Variants in VAMP7 observed in about 807,000 individuals in gnomAD.
The protein encoded by VAMP7 is vesicle-associated membrane protein 7.
A neutral mutation model predicts 29.6 loss-of-function variants in VAMP7; 14 were observed. The observed-to-expected ratio is 0.47, with a 90% CI of 0.31 to 0.74. The LOEUF is 0.74. Among genes scored for constraint, VAMP7 ranks in the 30% least tolerant of loss-of-function variants. VAMP7 has a pLI of 0.05. For missense variants in VAMP7, 223 were observed against 262.4 expected, an observed-to-expected ratio of 0.85 and a Z score of 1.04; for synonymous variants, 95 against 88.1, an observed-to-expected ratio of 1.08 and a Z score of -0.44.
At chrX:155,887,498 A>G (rs1257716781) in intron 1 of VAMP7, among the ~76,000 whole-genome samples, 1 of 152,114 alleles carries the variant, frequency 6.6e-6, no homozygotes, top group Non-Finnish European at 1.5e-5. Flanking sequence ...CAACCACTGT[A>G]TTTTGCAATA....
intron 1 of VAMP7, among the ~76,000 whole-genome samples, chrX:155,883,877 A>C: frequency 6.7e-6 from 1 of 148,552 alleles, no homozygotes; most frequent in East Asian, 2.0e-4. Context: ...CGCCTGACTA[A>C]TTTTTTTTTG....
intron 5 of VAMP7, among the ~76,000 whole-genome samples, chrX:155,915,315 T>A (rs1414421305): frequency 1.3e-5 from 2 of 152,176 alleles, no homozygotes; most frequent in Non-Finnish European, 2.9e-5. Context: ...AAAAACCAGC[T>A]CCTGGATTCA....
intron 2 of VAMP7, among the ~76,000 whole-genome samples, chrX:155,893,452 G>A (rs976249574): frequency 6.6e-6 from 1 of 152,200 alleles, no homozygotes; most frequent in South Asian, 2.1e-4. Context: ...AAACGTTAGT[G>A]TAGAGGGAAA....
intron 3 of VAMP7, 140 bp downstream of exon 3, chrX:155,895,820 T>C: frequency 1.6e-6 from 1 of 610,154 alleles, no homozygotes; most frequent in East Asian, 2.7e-5. Flanking sequence ...CCAGGCCACA[T>C]AGCAGGAGGT....
chrX:155,937,294 G>A (rs2066674723), intron 6 of VAMP7, among the ~76,000 whole-genome samples: 1 of 152,128 alleles, frequency 6.6e-6, no homozygotes, highest in Non-Finnish European at 1.5e-5. Context: ...TGGTCAAAGT[G>A]TATGAACTTA....
intron 2 of VAMP7, among the ~76,000 whole-genome samples, chrX:155,891,064 G>A (rs1424229493): frequency 6.6e-6 from 1 of 152,136 alleles, no homozygotes; most frequent in Admixed American, 6.5e-5. Context: ...CCCAGTGCTT[G>A]CCCAGTAATT....
chrX:155,931,747 A>T (rs986305734), intron 6 of VAMP7, among the ~76,000 whole-genome samples: 56 of 152,044 alleles, frequency 3.7e-4, no homozygotes, highest in African/African-American at 1.3e-3. Flanking sequence ...TTTTGTTTCC[A>T]TTGTTTTTGG....
At chrX:155,931,235 A>G (rs1353750705) in intron 6 of VAMP7, among the ~76,000 whole-genome samples, 3 of 152,158 alleles carry the variant, frequency 2.0e-5, no homozygotes, top group Non-Finnish European at 4.4e-5. Flanking sequence ...CAGTAATGGG[A>G]TGGCTGGGTC....
chrX:155,886,272 G>A (rs1476656063), intron 1 of VAMP7, among the ~76,000 whole-genome samples: 1 of 152,056 alleles, frequency 6.6e-6, no homozygotes, highest in Non-Finnish European at 1.5e-5. Flanking sequence ...TCATCAAGAC[G>A]TTATGGATTC....
At chrX:155,903,919 G>A (rs927921364) in intron 5 of VAMP7, among the ~76,000 whole-genome samples, 8 of 151,908 alleles carry the variant, frequency 5.3e-5, no homozygotes, top group Non-Finnish European at 7.4e-5. Flanking sequence ...TGTTTATAGC[G>A]GCAGTATTCA....
rs777113678 is a variant in VAMP7, at chrX:155,891,017, CT to C, written c.146+1407del. On this transcript the variant is annotated intron_variant, in intron 2 of 7. Transcript: ENST00000286448. ...TTCCCAAAGCAATTAGTGCTTTCCA[CT>C]TCTGGCCAAGGCAGCTCCTTTGGTG... is the stretch of plus-strand genomic sequence containing the variant. 7.2e-5 allele frequency among the ~76,000 whole-genome samples: 11 copies of C among 152,292 alleles called. No homozygotes were observed. The East Asian group carries it at 2.1e-3, about 29-fold the overall frequency.
At chrX:155,935,432 C>T (rs928135134) in intron 6 of VAMP7, among the ~76,000 whole-genome samples, 3 of 152,090 alleles carry the variant, frequency 2.0e-5, no homozygotes, top group South Asian at 2.1e-4. Flanking sequence ...CTTCTCTTCT[C>T]GCTTCATTTC....
At chrX:155,933,500 T>C (rs2066596895) in intron 6 of VAMP7, among the ~76,000 whole-genome samples, 1 of 152,214 alleles carries the variant, frequency 6.6e-6, no homozygotes, top group Admixed American at 6.5e-5. Context: ...TAGAGGTGTT[T>C]GTAGTATTCT....
At chrX:155,920,546 A>G (rs2066380536) in intron 6 of VAMP7, among the ~76,000 whole-genome samples, 1 of 152,192 alleles carries the variant, frequency 6.6e-6, no homozygotes, top group Non-Finnish European at 1.5e-5. Flanking sequence ...CCTTGAAAGA[A>G]AACAGTGATT....
intron 5 of VAMP7, among the ~76,000 whole-genome samples, chrX:155,914,956 C>A (rs764825316): frequency 5.7e-4 from 86 of 152,208 alleles, no homozygotes; most frequent in African/African-American, 2.0e-3. Context: ...CCTCTTTATA[C>A]CTCTGGTGGA....
At chrX:155,925,005 A>G (rs1460765441) in intron 6 of VAMP7, among the ~76,000 whole-genome samples, 15 of 152,232 alleles carry the variant, frequency 9.9e-5, no homozygotes, top group Non-Finnish European at 2.1e-4. Flanking sequence ...GCCCATGCAT[A>G]AGAAACAACT....
At chrX:155,928,651 C>G (rs1477062847) in intron 6 of VAMP7, among the ~76,000 whole-genome samples, 4 of 152,164 alleles carry the variant, frequency 2.6e-5, no homozygotes, top group Non-Finnish European at 1.5e-5. Context: ...CTCTTCATCT[C>G]AAGATTCTTG....
At chrX:155,887,657 G>A (rs749868973) in intron 1 of VAMP7, among the ~76,000 whole-genome samples, 7 of 152,122 alleles carry the variant, frequency 4.6e-5, no homozygotes, top group South Asian at 2.1e-4. Context: ...GGCCAGGTAC[G>A]GTGGCTCATG....
chrX:155,901,142 A>G (rs995904232), intron 5 of VAMP7, among the ~76,000 whole-genome samples: 4 of 152,046 alleles, frequency 2.6e-5, no homozygotes, highest in Non-Finnish European at 4.4e-5. Context: ...AGTAGTAACC[A>G]TACTGTTATA....
Sources: gnomAD v4.1 joint callset for allele counts (sites outside exome capture counted in the v4.1 genomes callset) on GRCh38, gnomAD v4.1.1 for gene constraint, MANE v1.5 for transcripts, NCBI Gene and HGNC (gene_info 2026-07-23, HGNC 2026-07-21) for gene names.